The following CACNA1D variants were observed in gnomAD, a reference collection of about 807,000 sequenced individuals.
CACNA1D encodes voltage-dependent L-type calcium channel subunit alpha-1D.
CACNA1D carries 55 observed loss-of-function variants against 257.1 expected under a neutral mutation model. The ratio of observed to expected loss-of-function variants is 0.21; its 90% CI spans 0.17 to 0.27. The LOEUF (loss-of-function observed/expected upper bound fraction) is 0.27, where lower values mean the gene tolerates loss of function less well. CACNA1D is among the 10% of genes least tolerant of loss of function. The pLI is 1.00. For missense variants in CACNA1D, 1,876 were observed against 2,784.0 expected (o/e 0.67, Z 7.34); for synonymous variants, 980 against 1,014.9 (o/e 0.97, Z 0.65).
At chr3:53,668,984 A>G (rs1380641978) in intron 7 of CACNA1D, among the ~76,000 whole-genome samples, 1 of 152,182 alleles carries the variant, frequency 6.6e-6, no homozygotes, top group Non-Finnish European at 1.5e-5. Flanking sequence ...TCTGCAGGTC[A>G]TGCTGTGGGA....
chr3:53,732,231 T>G lies in CACNA1D; in HGVS notation c.2473+149T>G, dbSNP rs1576490500. The stretch of plus-strand genomic sequence containing the variant: ...GGCCGTGGGACCAGTTAGCTCGCCT[T>G]TTTCCCATGGTCACAGGCAGAATGT... On this transcript the variant is annotated intron_variant, in intron 18 of 47. Coordinates refer to ENST00000350061, the MANE Select transcript of CACNA1D (RefSeq NM_001128840.3). The G allele has an allele frequency of 2.0e-5, 14 of 712,340 alleles. No individual in the cohort carries two copies. In the East Asian group the frequency reaches 3.8e-4, roughly 19 times the overall value. The allele number at this position is 712,340 out of a possible 1,614,324, so 44.1% of individuals were successfully genotyped here.
intron 3 of CACNA1D, among the ~76,000 whole-genome samples, chr3:53,625,247 G>C (rs755140096): frequency 1.5e-4 from 23 of 152,198 alleles, no homozygotes; most frequent in Non-Finnish European, 2.6e-4. Flanking sequence ...GGGCAGCTGC[G>C]TCTGAGCACT....
At chr3:53,613,562 G>C (rs1247134198) in intron 3 of CACNA1D, among the ~76,000 whole-genome samples, 1 of 152,070 alleles carries the variant, frequency 6.6e-6, no homozygotes, top group African/African-American at 2.4e-5. Flanking sequence ...GTGTGTGTGT[G>C]TGTATGGATT....
intron 7 of CACNA1D, among the ~76,000 whole-genome samples, chr3:53,668,621 C>T (rs2094292913): frequency 6.6e-6 from 1 of 152,022 alleles, no homozygotes; most frequent in Admixed American, 6.6e-5. Context: ...TGGAACATTC[C>T]CCGAGTTCTA....
At position 53,691,784 on chromosome 3, in the gene CACNA1D, TAA is replaced by T. The variant is rs1309593300; in HGVS notation, c.1221-10856_1221-10855del. Among the ~76,000 whole-genome samples the T allele has an allele frequency of 5.0e-5, 5 of 101,004 alleles. No individual in the cohort carries two copies. The East Asian group carries it at 7.4e-4, about 15-fold the overall frequency. 66.3% of individuals were successfully genotyped at this position (101,004 alleles called of 152,430 possible). On this transcript the variant is annotated intron_variant, in intron 8 of 47. Coordinates refer to ENST00000350061, the MANE Select transcript of CACNA1D (RefSeq NM_001128840.3). ...ACATATAATATATATATTATATCTA[TAA>T]TATATATATTACATATATAATATAT...
rs13068596 is a variant in CACNA1D, at chr3:53,774,995, G to A, written c.4202+317G>A. On this transcript the variant is annotated intron_variant, in intron 34 of 47. Coordinates refer to ENST00000350061, the MANE Select transcript of CACNA1D (RefSeq NM_001128840.3). This position sits in a 1 kb window ranked among gnomAD's most constrained non-coding sequence, Gnocchi z 4.3. ...CGTTTATGCATGGAGGCATGCACTT[G>A]AACACGACCAGGAAGACAGAAACTT... 0.3 allele frequency among the ~76,000 whole-genome samples: 46,223 copies of A among 152,094 alleles called. 7,451 individuals are homozygous for A. Among genetic ancestry groups the A allele is most frequent in the African/African-American group, 0.4 (16,775 of 41,446 alleles).
At chr3:53,498,077 TC>T (rs1291296125) in intron 2 of CACNA1D, among the ~76,000 whole-genome samples, 2 of 152,178 alleles carry the variant, frequency 1.3e-5, no homozygotes, top group South Asian at 2.1e-4. Context: ...TGCTATAACT[TC>T]CTGGAATTTC....
At chr3:53,748,423 AT>A (rs2095192702) in intron 26 of CACNA1D, among the ~76,000 whole-genome samples, 1 of 152,182 alleles carries the variant, frequency 6.6e-6, no homozygotes, top group Non-Finnish European at 1.5e-5. Context: ...GGGCTTGTTC[AT>A]TAGGGATTTA....
intron 2 of CACNA1D, among the ~76,000 whole-genome samples, chr3:53,501,291 G>A (rs574842377): frequency 5.3e-5 from 8 of 152,330 alleles, no homozygotes; most frequent in Non-Finnish European, 1.0e-4. Flanking sequence ...CCTGTAAGAA[G>A]CAGAAACCTA....
chr3:53,726,855 G>T (rs761140897), intron 14 of CACNA1D, 24 bp from the exon 15 acceptor site: 3 of 1,614,058 alleles, frequency 1.9e-6, no homozygotes, highest in Non-Finnish European at 2.5e-6. Context: ...CCACCTGCTG[G>T]CTGATACCAG....
rs750767292 is a variant in CACNA1D, at chr3:53,751,745, G to C, written c.3517-4G>C. 1 of 1,614,186 alleles carries C rather than the reference G, an allele frequency of 6.2e-7. No homozygotes were observed. Among genetic ancestry groups the C allele is most frequent in the Non-Finnish European group, 8.5e-7 (1 of 1,180,014 alleles). On this transcript the variant is annotated splice_polypyrimidine_tract_variant and splice_region_variant and intron_variant, in intron 27 of 47. Transcript: ENST00000350061. This position sits in a 1 kb window ranked among gnomAD's most constrained non-coding sequence, Gnocchi z 4.3. ...CCCGTTTCTGCCCTTTTCTGCTGTT[G>C]CAGCGTCAGTGTGTTGAATACGCCT...
chr3:53,731,045 T>G, intron 16 of CACNA1D, 32 bp from the exon 17 acceptor site: 2 of 1,314,398 alleles, frequency 1.5e-6, no homozygotes, highest in Non-Finnish European at 2.2e-6. Flanking sequence ...CATGGTTATT[T>G]GGTTTCTTGT....
intron 3 of CACNA1D, among the ~76,000 whole-genome samples, chr3:53,577,298 C>T (rs187293044): frequency 1.3e-5 from 2 of 152,254 alleles, no homozygotes; most frequent in African/African-American, 4.8e-5. Flanking sequence ...TGCAGCTGAC[C>T]TCAGGTGGTG....
intron 17 of CACNA1D, 78 bp from the exon 18 acceptor site, chr3:53,731,938 A>G: frequency 1.1e-6 from 1 of 912,040 alleles, no homozygotes; most frequent in Non-Finnish European, 1.8e-6. Context: ...CCTATGCTGG[A>G]CCACCAGGGT....
At chr3:53,534,748 T>C (rs1179986885) in intron 3 of CACNA1D, among the ~76,000 whole-genome samples, 1 of 152,230 alleles carries the variant, frequency 6.6e-6, no homozygotes, top group Non-Finnish European at 1.5e-5. Context: ...TCATGAACTG[T>C]AGTTGGCATA....
Position 53,651,028 on chromosome 3 carries a change from T to G in CACNA1D, c.623+110T>G, listed in dbSNP as rs900831027. 1.1e-5 allele frequency: 11 copies of G among 966,004 alleles called. No individual in the cohort carries two copies. The African/African-American group carries it at 1.6e-4, about 14-fold the overall frequency. The allele number at this position is 966,004 out of a possible 1,614,324, so 59.8% of individuals were successfully genotyped here. On this transcript the variant is annotated intron_variant, in intron 4 of 47. Coordinates refer to ENST00000350061, the MANE Select transcript of CACNA1D (RefSeq NM_001128840.3). ...TTTAGGGAATGTGGTTGCTCTTTTA[T>G]GCCAGCTGTTGCACCAGAACCTCTC...
intron 47 of CACNA1D, among the ~76,000 whole-genome samples, chr3:53,810,840 G>C (rs910018428): frequency 6.6e-6 from 1 of 150,950 alleles, no homozygotes; most frequent in Non-Finnish European, 1.5e-5. Flanking sequence ...TGGCATTATG[G>C]GTGCTGTTCC....
chr3:53,518,952 G>A (rs2091450379), intron 3 of CACNA1D, among the ~76,000 whole-genome samples: 1 of 152,204 alleles, frequency 6.6e-6, no homozygotes, highest in Non-Finnish European at 1.5e-5. Flanking sequence ...CTCTAAGTCT[G>A]CAGTCTCGTC....
chr3:53,783,134 T>A (rs934866375), intron 39 of CACNA1D: 1 of 152,186 alleles, frequency 6.6e-6, no homozygotes, highest in Non-Finnish European at 1.5e-5. Context: ...TATGTAAACC[T>A]TCCCCCTGCG....
Sources: gnomAD v4.1 joint callset for allele counts (sites outside exome capture counted in the v4.1 genomes callset) on GRCh38, gnomAD v4.1.1 for gene constraint, Gnocchi (gnomAD v3.1) non-coding constraint, MANE v1.5 for transcripts, NCBI Gene and HGNC (gene_info 2026-07-23, HGNC 2026-07-21) for gene names.